Variants in SLC31A2 observed in about 807,000 individuals in gnomAD.
The protein encoded by SLC31A2 is solute carrier family 31 member 2, also known as protein SLC31A2.
In SLC31A2, 16 loss-of-function variants were observed where a neutral mutation model predicts 14.4. The observed-to-expected ratio is 1.11, with a 90% CI of 0.75 to 1.69. The LOEUF (loss-of-function observed/expected upper bound fraction) is 1.69, where lower values mean the gene tolerates loss of function less well. SLC31A2 is among the 40% of genes most tolerant of loss of function. The pLI, the probability that SLC31A2 is intolerant of heterozygous loss-of-function variation, is 0.00. For missense variants in SLC31A2, 140 were observed against 173.9 expected, an observed-to-expected ratio of 0.81 and a Z score of 1.10; for synonymous variants, 56 against 68.7, an observed-to-expected ratio of 0.82 and a Z score of 0.91.
chr9:113,151,852 T>G lies in SLC31A2; in HGVS notation c.6+772T>G, dbSNP rs1306259651. ...CCTGTAATCCCAGCTACTCGGAGGC[T>G]GAGGCAGGATGAGGAGGATTGCTTG... is the stretch of plus-strand genomic sequence containing the variant. On this transcript the variant is annotated intron_variant, in intron 1 of 3. Transcript: ENST00000259392. The surrounding 1 kb of genome is among the most constrained non-coding windows in gnomAD (Gnocchi z 4.2). 1 of 152,012 alleles carries G rather than the reference T, an allele frequency of 6.6e-6. No individual in the cohort carries two copies. Among genetic ancestry groups the G allele is most frequent in the Non-Finnish European group, 1.5e-5 (1 of 68,046 alleles). The allele number at this position is 152,012 out of a possible 1,614,324, so 9.4% of individuals were successfully genotyped here. A position where few individuals can be genotyped will look rare whatever the true frequency, so the allele number is the denominator to read the frequency against.
chr9:113,151,964 A>G lies in SLC31A2; in HGVS notation c.6+884A>G, dbSNP rs1414009835. The stretch of plus-strand genomic sequence containing the variant: ...TCCTCAAACAAACAAAACAAAAAAA[A>G]AAAGATATAGGAAGTGTATGTAGGC... On this transcript the variant is annotated intron_variant, in intron 1 of 3. Coordinates refer to ENST00000259392, the MANE Select transcript of SLC31A2 (RefSeq NM_001860.3). This position sits in a 1 kb window ranked among gnomAD's most constrained non-coding sequence, Gnocchi z 4.2. 6.6e-6 allele frequency: 1 copy of G among 150,526 alleles called. No homozygotes were observed. The highest frequency in any genetic ancestry group is 2.4e-5 in the African/African-American group (1 of 41,318). The allele number at this position is 150,526 out of a possible 1,614,324, so 9.3% of individuals were successfully genotyped here.
At chr9:113,153,919 G>C (rs2118825351) in intron 1 of SLC31A2, among the ~76,000 whole-genome samples, 1 of 152,280 alleles carries the variant, frequency 6.6e-6, no homozygotes, top group Admixed American at 6.5e-5. Context: ...CCAAATCTGA[G>C]AGATGCATAG....
At chr9:113,156,244 G>C in intron 1 of SLC31A2, 1 of 442,838 alleles carries the variant, frequency 2.3e-6, no homozygotes, top group Non-Finnish European at 4.6e-6. Flanking sequence ...CCCTTGAACA[G>C]AAACTGAGAG....
At position 113,157,975 on chromosome 9, in the gene SLC31A2, G is replaced by A. The variant is rs1007396437; in HGVS notation, c.73+182G>A. The A allele has an allele frequency of 1.5e-5, 10 of 683,962 alleles. No homozygotes were observed. The African/African-American group carries it at 1.6e-4, about 11-fold the overall frequency. 42.4% of individuals were successfully genotyped at this position (683,962 alleles called of 1,614,324 possible). Reference sequence around the variant, plus strand: ...TAACCACTCCCCTTCAGATCGCAAAGGGCTCCATTATCTTACTGATCCTCA... The same window carrying A: ...TAACCACTCCCCTTCAGATCGCAAAAGGCTCCATTATCTTACTGATCCTCA... On this transcript the variant is annotated intron_variant, in intron 2 of 3. Coordinates refer to ENST00000259392, the MANE Select transcript of SLC31A2 (RefSeq NM_001860.3).
In SLC31A2 at chr9:113,162,764, C is replaced by G. The variant is rs747207793; in HGVS notation, c.279C>G (p.His93Gln). ...GRTHHRWYLC[H>Q]FGQSLIHVIQ... The stretch of plus-strand genomic sequence containing the variant: ...TTTTATCTAGGTGGTATTTGTGTCA[C>G]TTTGGCCAGTCTCTAATCCATGTCA... Residue 93 changes from histidine to glutamine, a missense_variant, in exon 4 of 4, where the codon CAC (histidine) becomes CAG (glutamine). Coordinates refer to ENST00000259392, the MANE Select transcript of SLC31A2 (RefSeq NM_001860.3). The G allele has an allele frequency of 5.6e-6, 9 of 1,612,676 alleles. No individual in the cohort carries two copies. Among genetic ancestry groups the G allele is most frequent in the Non-Finnish European group, 7.6e-6 (9 of 1,179,350 alleles).
At chr9:113,162,702 AT>A in intron 3 of SLC31A2, 46 bp from the exon 4 acceptor site, 2 of 1,561,796 alleles carry the variant, frequency 1.3e-6, no homozygotes. Context: ...CAGCTTCCTC[AT>A]TACCAGCTCA....
chr9:113,156,201 A>C (rs1448910902), intron 1 of SLC31A2: 2 of 510,218 alleles, frequency 3.9e-6, no homozygotes, highest in Non-Finnish European at 7.8e-6. Context: ...CACAGCCTTC[A>C]CAAGTACCCA....
intron 1 of SLC31A2, chr9:113,152,336 G>C (rs892148480): frequency 3.9e-5 from 6 of 152,392 alleles, no homozygotes; most frequent in African/African-American, 1.4e-4. Flanking sequence ...CTGTAGCCCA[G>C]ATCGCTTCTC....
At chr9:113,158,355 G>A (rs770914957) in intron 2 of SLC31A2, among the ~76,000 whole-genome samples, 3 of 152,110 alleles carry the variant, frequency 2.0e-5, no homozygotes, top group Non-Finnish European at 4.4e-5. Context: ...CCATTATTGC[G>A]GGTGCAGATT....
In SLC31A2 at chr9:113,156,075, C is replaced by T. The variant is rs768217162; in HGVS notation, c.7-1652C>T. On this transcript the variant is annotated intron_variant, in intron 1 of 3. Transcript: ENST00000259392. ...CTGGTTTCCAGGAGGCTACAGGACA[C>T]CCACATGGCACAGCTTCCTGACAAA... The T allele has an allele frequency of 5.0e-5, 26 of 518,910 alleles. 1 individual carries two copies. Among genetic ancestry groups the T allele is most frequent in the South Asian group, 1.8e-4 (13 of 71,582 alleles). 32.1% of individuals were successfully genotyped at this position (518,910 alleles called of 1,614,324 possible).
At position 113,162,845 on chromosome 9, in the gene SLC31A2, G is replaced by T; in HGVS notation, c.360G>T (p.Trp120Cys). ...IMLAVMSYNTWIFLGVVLGSA... is the reference protein window; with the variant it reads ...IMLAVMSYNTCIFLGVVLGSA... ...TGGCCGTAATGTCCTACAACACCTG[G>T]ATTTTCCTTGGTGTGGTCTTGGGCT... is the stretch of plus-strand genomic sequence containing the variant. The change falls in exon 4 of 4, where the codon TGG becomes TGT. Residue 120 changes from tryptophan to cysteine, a missense_variant. Trp to Cys is a radical substitution (Grantham distance 215, BLOSUM62 -2). Transcript: ENST00000259392. 6.2e-7 allele frequency: 1 copy of T among 1,613,688 alleles called. No homozygotes were observed. Among genetic ancestry groups the T allele is most frequent in the Non-Finnish European group, 8.5e-7 (1 of 1,179,818 alleles).
chr9:113,153,751 T>C (rs1034074545), intron 1 of SLC31A2, among the ~76,000 whole-genome samples: 2 of 152,190 alleles, frequency 1.3e-5, no homozygotes, highest in Middle Eastern at 3.2e-3. Context: ...GTCCTGCAGC[T>C]CCACGGTCTC....
chr9:113,162,176 C>G (rs1372060420), intron 3 of SLC31A2: 1 of 304,686 alleles, frequency 3.3e-6, no homozygotes, highest in African/African-American at 2.3e-5. Context: ...CAGCCCCAGC[C>G]TCACCTGTGC....
At chr9:113,161,386 C>T in intron 2 of SLC31A2, 123 bp from the exon 3 acceptor site, 1 of 880,202 alleles carries the variant, frequency 1.1e-6, no homozygotes, top group Non-Finnish European at 1.8e-6. Flanking sequence ...CGGAACTCAG[C>T]AAGGGTGGGG....
At chr9:113,160,311 C>T (rs535107820) in intron 2 of SLC31A2, among the ~76,000 whole-genome samples, 1 of 152,082 alleles carries the variant, frequency 6.6e-6, no homozygotes, top group South Asian at 2.1e-4. Flanking sequence ...CTTCCAGGTA[C>T]CCCCATGTGT....
chr9:113,160,087 T>C (rs758762688), intron 2 of SLC31A2, among the ~76,000 whole-genome samples: 2 of 151,990 alleles, frequency 1.3e-5, no homozygotes, highest in Non-Finnish European at 2.9e-5. Context: ...TGAGGCAAGA[T>C]AATTGCTTGA....
At chr9:113,158,953 C>T (rs947232481) in intron 2 of SLC31A2, among the ~76,000 whole-genome samples, 3 of 152,064 alleles carry the variant, frequency 2.0e-5, no homozygotes, top group African/African-American at 7.2e-5. Flanking sequence ...GATGAAGCCA[C>T]TGGGGAAAAG....
chr9:113,158,652 T>C (rs1488951082), intron 2 of SLC31A2, among the ~76,000 whole-genome samples: 1 of 152,196 alleles, frequency 6.6e-6, no homozygotes. Context: ...ATGTGGCATC[T>C]CCTATGGCCT....
At chr9:113,159,117 T>C (rs1829972384) in intron 2 of SLC31A2, among the ~76,000 whole-genome samples, 1 of 151,898 alleles carries the variant, frequency 6.6e-6, no homozygotes, top group African/African-American at 2.4e-5. Context: ...TGAAGAGAGA[T>C]TGGGGTGGGA....
Sources: allele counts gnomAD v4.1 joint callset (sites outside exome capture counted in the v4.1 genomes callset), GRCh38; gene constraint gnomAD v4.1.1; non-coding constraint Gnocchi (gnomAD v3.1); transcripts MANE v1.5; gene names NCBI Gene and HGNC (gene_info 2026-07-23, HGNC 2026-07-21).